SLC2A14: variants seen among roughly 807,000 people sequenced by gnomAD.
SLC2A14 encodes solute carrier family 2, facilitated glucose transporter member 14.
SLC2A14 carries 13 observed loss-of-function variants against 43.0 expected under a neutral mutation model. That is an observed-to-expected ratio of 0.30 (90% CI 0.20 to 0.48). SLC2A14 has a LOEUF of 0.48. Among genes scored for constraint, SLC2A14 ranks in the 20% least tolerant of loss-of-function variants. The pLI, the probability that SLC2A14 is intolerant of heterozygous loss-of-function variation, is 0.99. For missense variants in SLC2A14, 428 were observed against 620.4 expected (o/e 0.69, Z 3.29); for synonymous variants, 190 against 233.8 (o/e 0.81, Z 1.71).
rs756636024 is a variant in SLC2A14, at chr12:7,851,934, C to G, written c.18+17929G>C. 6.6e-5 allele frequency among the ~76,000 whole-genome samples: 10 copies of G among 152,284 alleles called. No homozygotes were observed. In the South Asian group the frequency reaches 1.9e-3, roughly 28 times the overall value. On this transcript the variant is annotated intron_variant, in intron 2 of 10. Coordinates refer to ENST00000431042, the MANE Select transcript of SLC2A14 (RefSeq NM_001286234.2). ...GCAGAGACAGCATCATTCTTTGTCT[C>G]CCACATTCTTATCTACCTGGTGACG...
At chr12:7,856,900 T>C (rs1039046204) in intron 2 of SLC2A14, among the ~76,000 whole-genome samples, 11 of 152,134 alleles carry the variant, frequency 7.2e-5, no homozygotes, top group Middle Eastern at 3.4e-3. Flanking sequence ...TGCAAAGTTT[T>C]AGAAGGATCA....
chr12:7,832,604 T>C (rs1223426768), intron 3 of SLC2A14, 118 bp downstream of exon 3: 1 of 1,065,098 alleles, frequency 9.4e-7, no homozygotes, highest in Admixed American at 2.2e-5. Flanking sequence ...GCCTCCGGAG[T>C]AGCTGGGACT....
rs574158847 is a variant in SLC2A14 at position 7,853,133 on chromosome 12, A to G, written c.18+16730T>C. Among the ~76,000 whole-genome samples the G allele has an allele frequency of 4.6e-5, 7 of 152,174 alleles. 1 individual carries two copies. The Middle Eastern group carries it at 0.01, about 222-fold the overall frequency. On this transcript the variant is annotated intron_variant, in intron 2 of 10. Coordinates refer to ENST00000431042, the MANE Select transcript of SLC2A14 (RefSeq NM_001286234.2). ...ATGCCACAGGTAGGAACACTGACAC[A>G]CTAATGACAATAAGAAAGAAAACAG...
At chr12:7,854,042 C>T (rs1867151855) in intron 2 of SLC2A14, among the ~76,000 whole-genome samples, 2 of 151,974 alleles carry the variant, frequency 1.3e-5, no homozygotes, top group South Asian at 4.2e-4. Flanking sequence ...TGATGGCTTT[C>T]CCCCTGACTT....
chr12:7,869,269 A>G (rs952644723), intron 2 of SLC2A14, among the ~76,000 whole-genome samples: 28 of 152,150 alleles, frequency 1.8e-4, no homozygotes, highest in African/African-American at 6.8e-4. Context: ...TTCCCAGAAA[A>G]TAAGTTTAGT....
chr12:7,855,169 A>G (rs1020824500), intron 2 of SLC2A14, among the ~76,000 whole-genome samples: 2 of 152,068 alleles, frequency 1.3e-5, no homozygotes, highest in African/African-American at 4.8e-5. Context: ...AGTCTTCATC[A>G]CTTCCCAGAG....
chr12:7,874,886 T>G (rs7132174), upstream of SLC2A14, among the ~76,000 whole-genome samples: 32 of 103,434 alleles, frequency 3.1e-4, 1 homozygote, highest in South Asian at 6.1e-4. Flanking sequence ...AAATATATAT[T>G]TATATAAAAA....
At chr12:7,832,874 T>C in intron 2 of SLC2A14, 60 bp from the exon 3 acceptor site, 1 of 1,512,262 alleles carries the variant, frequency 6.6e-7, no homozygotes, top group South Asian at 1.1e-5. Context: ...TTGATGACTG[T>C]TTCTTATTAA....
chr12:7,813,903 A>G lies in SLC2A14; in HGVS notation c.*413T>C. ...ATGGAAGTGAGGAAGGTGCTCTTAC[A>G]TAAACACCCTCCGGCTTCCACACTC... On this transcript the variant is annotated 3_prime_UTR_variant, in exon 11 of 11. Coordinates refer to ENST00000431042, the MANE Select transcript of SLC2A14 (RefSeq NM_001286234.2). 1 of 208,524 alleles carries G rather than the reference A, an allele frequency of 4.8e-6. No homozygotes were observed. Among genetic ancestry groups the G allele is most frequent in the South Asian group, 9.9e-5 (1 of 10,070 alleles). The allele number at this position is 208,524 out of a possible 1,614,324, so 12.9% of individuals were successfully genotyped here. A position where few individuals can be genotyped will look rare whatever the true frequency, so the allele number is the denominator to read the frequency against.
At chr12:7,862,090 C>T (rs1189974778) in intron 2 of SLC2A14, among the ~76,000 whole-genome samples, 5 of 151,430 alleles carry the variant, frequency 3.3e-5, no homozygotes, top group African/African-American at 1.2e-4. Flanking sequence ...ATGGTGAAAC[C>T]CCGTCTCTAC....
At chr12:7,864,628 G>A (rs930326473) in intron 2 of SLC2A14, among the ~76,000 whole-genome samples, 2 of 152,140 alleles carry the variant, frequency 1.3e-5, no homozygotes, top group South Asian at 2.1e-4. Flanking sequence ...GTGAGCCACC[G>A]TGCCCGGCTG....
chr12:7,881,544 C>T (rs1339351792), intron 1 of SLC2A14, among the ~76,000 whole-genome samples: 1 of 152,170 alleles, frequency 6.6e-6, no homozygotes, highest in Non-Finnish European at 1.5e-5. Flanking sequence ...GACCTGCAGC[C>T]CGCCATGCCT....
intron 2 of SLC2A14, among the ~76,000 whole-genome samples, chr12:7,866,678 T>A (rs1293815905): frequency 3.9e-5 from 6 of 152,138 alleles, no homozygotes; most frequent in Non-Finnish European, 8.8e-5. Flanking sequence ...CTTTCTTTCA[T>A]TTTATGAAGG....
intron 2 of SLC2A14, among the ~76,000 whole-genome samples, chr12:7,859,534 G>C (rs190353583): frequency 2.0e-5 from 3 of 152,248 alleles, no homozygotes; most frequent in Non-Finnish European, 2.9e-5. Flanking sequence ...AAATGACTGA[G>C]GTGGACTGGA....
chr12:7,859,506 G>A (rs1944428174), intron 2 of SLC2A14, among the ~76,000 whole-genome samples: 1 of 151,916 alleles, frequency 6.6e-6, no homozygotes, highest in African/African-American at 2.4e-5. Context: ...CCAGGGCTAG[G>A]GTATTAACCA....
chr12:7,845,045 G>A (rs1866347833), intron 2 of SLC2A14, among the ~76,000 whole-genome samples: 1 of 152,072 alleles, frequency 6.6e-6, no homozygotes, highest in African/African-American at 2.4e-5. Context: ...ATATTAATAA[G>A]TTGTGAATTA....
At chr12:7,873,262 C>CA (rs1338087681), upstream of SLC2A14, 4 of 985,554 alleles carry the variant, frequency 4.1e-6, no homozygotes, top group East Asian at 4.5e-4. Flanking sequence ...CCGAGCCCCT[C>CA]ACCGCCTGCA....
intron 1 of SLC2A14, chr12:7,871,279 A>G: frequency 8.6e-7 from 1 of 1,169,258 alleles, no homozygotes; most frequent in Non-Finnish European, 1.1e-6. Context: ...AGTGGATGAG[A>G]TGTACTGGGA....
In SLC2A14 at chr12:7,816,082, A is replaced by ATTTTTTATT. The variant is rs1195646841; in HGVS notation, c.1276-1557_1276-1549dup. The stretch of plus-strand genomic sequence containing the variant: ...CACCCAGCTAATTTCTTGAATTTTT[A>ATTTTTTATT]TTTTTTATTTTTTTTATTTTTTTTA... On this transcript the variant is annotated intron_variant, in intron 10 of 10. Coordinates refer to ENST00000431042, the MANE Select transcript of SLC2A14 (RefSeq NM_001286234.2). Among the ~76,000 whole-genome samples the ATTTTTTATT allele has an allele frequency of 1.8e-5, 2 of 108,742 alleles. 1 individual carries two copies. Among genetic ancestry groups the ATTTTTTATT allele is most frequent in the Non-Finnish European group, 3.6e-5 (2 of 55,350 alleles). 71.3% of individuals were successfully genotyped at this position (108,742 alleles called of 152,430 possible).
Sources: gnomAD v4.1 joint callset for allele counts (sites outside exome capture counted in the v4.1 genomes callset) on GRCh38, gnomAD v4.1.1 for gene constraint, MANE v1.5 for transcripts, NCBI Gene and HGNC (gene_info 2026-07-23, HGNC 2026-07-21) for gene names.